ATP8B4: variants seen among roughly 807,000 people sequenced by gnomAD.
ATP8B4 encodes ATPase phospholipid transporting 8B4 (putative), also known as probable phospholipid-transporting ATPase IM.
A neutral mutation model predicts 145.6 loss-of-function variants in ATP8B4; 133 were observed. That is an observed-to-expected ratio of 0.91 (90% CI 0.79 to 1.05). The LOEUF (loss-of-function observed/expected upper bound fraction) is 1.05. Among genes scored for constraint, ATP8B4 ranks in the 50% least tolerant of loss-of-function variants. The pLI is 0.00. For synonymous variants in ATP8B4, 507 were observed against 492.9 expected (o/e 1.03, Z -0.38); for missense variants, 1,458 against 1,425.2 (o/e 1.02, Z -0.37).
intron 3 of ATP8B4, among the ~76,000 whole-genome samples, chr15:50,069,797 T>C (rs2053610433): frequency 1.3e-5 from 2 of 152,192 alleles, no homozygotes; most frequent in African/African-American, 2.4e-5. Context: ...CAGTCTGCAC[T>C]AGAATTCCAG....
intron 20 of ATP8B4, among the ~76,000 whole-genome samples, chr15:49,916,722 A>G (rs988128276): frequency 6.6e-6 from 1 of 152,232 alleles, no homozygotes; most frequent in Non-Finnish European, 1.5e-5. Context: ...GAAATGTTGG[A>G]GGCCTGAAGA....
chr15:50,105,417 A>G (rs1317717515), intron 2 of ATP8B4, among the ~76,000 whole-genome samples: 1 of 152,170 alleles, frequency 6.6e-6, no homozygotes, highest in Non-Finnish European at 1.5e-5. Context: ...TCATTCTTTC[A>G]ATTCTGTAAA....
rs564721414 is a variant in ATP8B4, at chr15:50,006,784, A to C, written c.435+4061T>G. Among the ~76,000 whole-genome samples the C allele has an allele frequency of 2.6e-5, 4 of 152,318 alleles. No individual in the cohort carries two copies. In the South Asian group the frequency reaches 8.3e-4, roughly 32 times the overall value. Reference sequence around the variant, plus strand: ...AACAACTCAATTCTAGTAATGTTCAAATATGCTCATGCCAAGTAAGGATTT... The same window carrying C: ...AACAACTCAATTCTAGTAATGTTCACATATGCTCATGCCAAGTAAGGATTT... On this transcript the variant is annotated intron_variant, in intron 7 of 27. Transcript: ENST00000284509.
At chr15:50,041,981 C>T (rs1252425757) in intron 5 of ATP8B4, among the ~76,000 whole-genome samples, 1 of 151,278 alleles carries the variant, frequency 6.6e-6, no homozygotes, top group Non-Finnish European at 1.5e-5. Flanking sequence ...ACAGTAAAAC[C>T]CCATCTCTGC....
intron 3 of ATP8B4, among the ~76,000 whole-genome samples, chr15:50,051,000 A>C (rs2052143504): frequency 6.6e-6 from 1 of 152,074 alleles, no homozygotes; most frequent in South Asian, 2.1e-4. Flanking sequence ...TCATCTGTTA[A>C]ATGACCATTT....
intron 1 of ATP8B4, among the ~76,000 whole-genome samples, chr15:50,166,007 A>ACACACACC (rs1242315706): frequency 9.0e-5 from 13 of 144,836 alleles, no homozygotes; most frequent in African/African-American, 1.3e-4. Flanking sequence ...ACACACACAC[A>ACACACACC]CCTCATCTAA....
At chr15:50,095,498 G>A (rs2055915395) in intron 2 of ATP8B4, among the ~76,000 whole-genome samples, 1 of 152,182 alleles carries the variant, frequency 6.6e-6, no homozygotes, top group African/African-American at 2.4e-5. Flanking sequence ...GCTCACACCT[G>A]TAATTGTTAA....
At chr15:49,955,968 C>A (rs1171077191) in intron 14 of ATP8B4, among the ~76,000 whole-genome samples, 2 of 151,614 alleles carry the variant, frequency 1.3e-5, no homozygotes, top group Non-Finnish European at 2.9e-5. Context: ...GTTAACACTA[C>A]CATACTCAAC....
At chr15:50,115,531 G>T (rs576718272) in intron 1 of ATP8B4, among the ~76,000 whole-genome samples, 1 of 151,718 alleles carries the variant, frequency 6.6e-6, no homozygotes, top group African/African-American at 2.4e-5. Flanking sequence ...AATAAAACAA[G>T]GTAAGGACAA....
chr15:50,115,583 G>A (rs920371720), intron 1 of ATP8B4, among the ~76,000 whole-genome samples: 11 of 151,920 alleles, frequency 7.2e-5, no homozygotes, highest in African/African-American at 1.7e-4. Context: ...GTTGTGAAAG[G>A]GAAGGAAGGT....
chr15:49,920,117 T>C lies in ATP8B4; in HGVS notation c.1923+129A>G. ...CTCAAAGCCAACATATAAAGCATGA[T>C]TCAGTGATTGAAAGAGAAACATCTG... On this transcript the variant is annotated intron_variant, in intron 18 of 27. Coordinates refer to ENST00000284509, the MANE Select transcript of ATP8B4 (RefSeq NM_024837.4). 2.5e-6 allele frequency: 3 copies of C among 1,214,988 alleles called. No homozygotes were observed. In the South Asian group the frequency reaches 4.4e-5, roughly 18 times the overall value. The allele number at this position is 1,214,988 out of a possible 1,614,324, so 75.3% of individuals were successfully genotyped here.
intron 3 of ATP8B4, among the ~76,000 whole-genome samples, chr15:50,059,986 A>G (rs991438915): frequency 6.6e-6 from 1 of 152,144 alleles, no homozygotes; most frequent in Non-Finnish European, 1.5e-5. Flanking sequence ...CCTGCTTTAG[A>G]TATTCTCTTC....
intron 3 of ATP8B4, among the ~76,000 whole-genome samples, chr15:50,072,750 C>T (rs200036451): frequency 7.9e-5 from 12 of 151,318 alleles, no homozygotes; most frequent in South Asian, 2.1e-4. Flanking sequence ...CTCAGCCTCC[C>T]GAGTAGCTGG....
At position 50,149,231 on chromosome 15, in the gene ATP8B4, G is replaced by A. The variant is rs1234547508; in HGVS notation, c.-43+33030C>T. On this transcript the variant is annotated intron_variant, in intron 1 of 3. Transcript: ENST00000558829. ...TTGGCTAGGTCTGCCGTAGTGCCCA[G>A]TATGTCCCTGTATATTATCTGAGTC... 2.6e-5 allele frequency among the ~76,000 whole-genome samples: 4 copies of A among 152,172 alleles called. No homozygotes were observed. The East Asian group carries it at 7.7e-4, about 29-fold the overall frequency.
At position 49,876,342 on chromosome 15, in the gene ATP8B4, A is replaced by G. The variant is rs116653049; in HGVS notation, c.2963T>C (p.Ile988Thr). ...AACTGCAAAGGACTGGTAGTCAGCA[A>G]TATGTTGCCCATCTTCTCCAGCCAC... is the stretch of plus-strand genomic sequence containing the variant. The part of the protein sequence containing the change: ...YNVAGEDGQH[I>T]ADYQSFAVTM... Residue 988 changes from isoleucine (I) to threonine (T), a missense_variant, in exon 25 of 28, where the codon ATT becomes ACT. By Grantham distance (89) the Ile-to-Thr change is moderately conservative. Transcript: ENST00000284509. 524 of 1,614,132 alleles carry G rather than the reference A, an allele frequency of 3.2e-4. 2 individuals are homozygous for G. The highest frequency in any genetic ancestry group is 3.2e-3 in the African/African-American group (238 of 75,058).
At chr15:49,876,758 T>C (rs2034496774) in intron 24 of ATP8B4, 1 of 677,462 alleles carries the variant, frequency 1.5e-6, no homozygotes. Context: ...TCATGAGAGG[T>C]CACACAGCTC....
intron 20 of ATP8B4, 90 bp from the exon 21 acceptor site, chr15:49,901,329 A>G (rs1599012077): frequency 7.5e-7 from 1 of 1,330,584 alleles, no homozygotes; most frequent in Non-Finnish European, 1.0e-6. Context: ...AGGTAAATTT[A>G]TTTCACCACT....
chr15:50,103,193 A>C (rs1194556920), intron 2 of ATP8B4, among the ~76,000 whole-genome samples: 1 of 152,194 alleles, frequency 6.6e-6, no homozygotes, highest in Non-Finnish European at 1.5e-5. Flanking sequence ...CAAGACAAGG[A>C]TGCCCATTTT....
intron 1 of ATP8B4, among the ~76,000 whole-genome samples, chr15:50,134,814 T>A (rs916913132): frequency 6.6e-6 from 1 of 152,212 alleles, no homozygotes; most frequent in African/African-American, 2.4e-5. Flanking sequence ...AGGGGAATGT[T>A]GGTGGCATTG....
Sources: gnomAD v4.1 joint callset for allele counts (sites outside exome capture counted in the v4.1 genomes callset) on GRCh38, gnomAD v4.1.1 for gene constraint, MANE v1.5 for transcripts, NCBI Gene and HGNC (gene_info 2026-07-23, HGNC 2026-07-21) for gene names.